POMZP3: variants seen among roughly 807,000 people sequenced by gnomAD.
POMZP3 encodes the protein POM121 and ZP3 fusion.
A neutral mutation model predicts 19.8 loss-of-function variants in POMZP3; 10 were observed. The ratio of observed to expected loss-of-function variants is 0.51; its 90% CI spans 0.31 to 0.86. The LOEUF (loss-of-function observed/expected upper bound fraction) is 0.86. Ranked by LOEUF, POMZP3 falls within the 40% of genes least tolerant of loss-of-function variation. POMZP3 has a pLI of 0.04. For missense variants in POMZP3, 152 were observed against 228.1 expected, an observed-to-expected ratio of 0.67 and a Z score of 2.15; for synonymous variants, 57 against 85.8, an observed-to-expected ratio of 0.66 and a Z score of 1.85.
At chr7:76,622,724 A>G (rs1226808419) in intron 3 of POMZP3, among the ~76,000 whole-genome samples, 1 of 151,696 alleles carries the variant, frequency 6.6e-6, no homozygotes, top group Admixed American at 6.6e-5. Context: ...TGTCCAGGCT[A>G]GAGTGCAGTG....
intron 3 of POMZP3, among the ~76,000 whole-genome samples, chr7:76,624,295 TC>T (rs2116881671): frequency 6.6e-6 from 1 of 151,240 alleles, no homozygotes; most frequent in South Asian, 2.1e-4. Flanking sequence ...ATGCCTGTAA[TC>T]CCAGCACTTT....
At position 76,625,575 on chromosome 7, in the gene POMZP3, CCTTTT is replaced by C. The variant is rs769598751; in HGVS notation, c.169_173del (p.Lys57AspfsTer11). 11 of 1,613,458 alleles carry C rather than the reference CCTTTT, an allele frequency of 6.8e-6. No individual in the cohort carries two copies. The highest frequency in any genetic ancestry group is 9.3e-6 in the Non-Finnish European group (11 of 1,179,728). On this transcript the variant is annotated frameshift_variant, in exon 3 of 7. Coordinates refer to ENST00000310842, the MANE Select transcript of POMZP3 (RefSeq NM_012230.5). LOFTEE classifies it high-confidence loss of function. ...ATATTTGGTCTTCTTCCTCCACTGTCCTTTTCTTCTTCTTCTCTTTGAGGGCACTC... is the reference window on the plus strand; with the variant it reads ...ATATTTGGTCTTCTTCCTCCACTGTCCTTCTTCTTCTCTTTGAGGGCACTC...
At chr7:76,619,205 T>G (rs181255813) in intron 3 of POMZP3, among the ~76,000 whole-genome samples, 2,242 of 152,164 alleles carry the variant, frequency 0.015, 56 homozygotes, top group African/African-American at 0.044. Flanking sequence ...TTGGCCAACA[T>G]GGGGAAACCC....
chr7:76,611,206 C>T (rs1353628510), intron 6 of POMZP3, among the ~76,000 whole-genome samples: 5 of 151,206 alleles, frequency 3.3e-5, no homozygotes, highest in Non-Finnish European at 5.9e-5. Flanking sequence ...ATTTCCCCTA[C>T]ATGCCTAATT....
chr7:76,616,712 G>A lies in POMZP3; in HGVS notation c.345+1471C>T, dbSNP rs1413530858. ...TCTAGTAAGAATACAAAAGTTAGCC[G>A]GGTGTGGTGGCAGGCACCTGTAATT... On this transcript the variant is annotated intron_variant, in intron 4 of 6. Coordinates refer to ENST00000310842, the MANE Select transcript of POMZP3 (RefSeq NM_012230.5). Among the ~76,000 whole-genome samples, 10 of 95,626 alleles carry A rather than the reference G, an allele frequency of 1.0e-4. 4 individuals carry two copies. Among genetic ancestry groups the A allele is most frequent in the African/African-American group, 2.9e-4 (7 of 23,806 alleles). 62.7% of individuals were successfully genotyped at this position (95,626 alleles called of 152,430 possible).
At chr7:76,626,670 G>A in intron 1 of POMZP3, 38 bp downstream of exon 1, 3 of 1,375,546 alleles carry the variant, frequency 2.2e-6, no homozygotes, top group African/African-American at 1.5e-5. Context: ...CAAGCCAGCC[G>A]AGCCAAAGGA....
chr7:76,623,934 T>G (rs1333999553), intron 3 of POMZP3, among the ~76,000 whole-genome samples: 1 of 148,246 alleles, frequency 6.7e-6, no homozygotes, highest in Non-Finnish European at 1.5e-5. Context: ...AAAGATTGTT[T>G]CAAAATATGG....
chr7:76,625,087 C>T (rs1252632735), intron 3 of POMZP3, among the ~76,000 whole-genome samples: 3 of 130,404 alleles, frequency 2.3e-5, no homozygotes, highest in Non-Finnish European at 3.1e-5. Flanking sequence ...GAGCTGAGAT[C>T]GGGCCACTGC....
intron 3 of POMZP3, among the ~76,000 whole-genome samples, chr7:76,619,058 G>A (rs371385517): frequency 1.3e-5 from 2 of 152,266 alleles, no homozygotes; most frequent in African/African-American, 2.4e-5. Context: ...AAAGTGCTGA[G>A]ATTACAGGCA....
chr7:76,623,129 C>T (rs891916069), intron 3 of POMZP3, among the ~76,000 whole-genome samples: 1 of 151,872 alleles, frequency 6.6e-6, no homozygotes, highest in African/African-American at 2.4e-5. Context: ...ACCTCAGCCT[C>T]CCAAAGTGCT....
At chr7:76,622,689 T>C (rs1377594902) in intron 3 of POMZP3, among the ~76,000 whole-genome samples, 3 of 151,398 alleles carry the variant, frequency 2.0e-5, no homozygotes, top group Non-Finnish European at 4.4e-5. Flanking sequence ...TTTTGTTTTG[T>C]TTTAGAGACA....
At chr7:76,623,802 C>CA (rs922036003) in intron 3 of POMZP3, among the ~76,000 whole-genome samples, 20 of 147,714 alleles carry the variant, frequency 1.4e-4, no homozygotes, top group East Asian at 2.0e-4. Context: ...AATCCGCCTC[C>CA]AAAAAAAAAG....
intron 3 of POMZP3, among the ~76,000 whole-genome samples, chr7:76,623,796 C>T (rs572349940): frequency 1.3e-5 from 2 of 151,644 alleles, no homozygotes; most frequent in African/African-American, 4.8e-5. Flanking sequence ...AGCGAGAATC[C>T]GCCTCCAAAA....
rs1348953994 is a variant in POMZP3, at chr7:76,625,629, G to A, written c.120C>T (p.Asp40=). The A allele has an allele frequency of 1.3e-5, 21 of 1,613,706 alleles. No homozygotes were observed. The highest frequency in any genetic ancestry group is 1.7e-5 in the Non-Finnish European group (20 of 1,179,814). Reference sequence around the variant, plus strand: ...TCAGTACAGTCTCCTTTGCACATGGGTCTGGGGCATTACTTGATGGTGAGG... The same window carrying A: ...TCAGTACAGTCTCCTTTGCACATGGATCTGGGGCATTACTTGATGGTGAGG... The part of the protein sequence containing the change: ...TLSSPSSNAP[D]PCAKETVLSA... The change falls in exon 3 of 7, where the codon GAC becomes GAT. Residue 40 remains aspartate, a synonymous_variant. Coordinates refer to ENST00000310842, the MANE Select transcript of POMZP3 (RefSeq NM_012230.5).
At chr7:76,616,222 G>T (rs112547179) in intron 4 of POMZP3, among the ~76,000 whole-genome samples, 28 of 139,008 alleles carry the variant, frequency 2.0e-4, no homozygotes, top group African/African-American at 7.5e-4. Context: ...GGCAGAGGTT[G>T]CAGTGAGCCA....
rs1343739738 is a variant in POMZP3, at chr7:76,626,745, T to G, written c.-189A>C. On this transcript the variant is annotated 5_prime_UTR_variant, in exon 1 of 7. Coordinates refer to ENST00000310842, the MANE Select transcript of POMZP3 (RefSeq NM_012230.5). ...CTCCCGGAGGGTCGGAGAAGAGGAG[T>G]GGGGAGAGAGGGGTAAAAGTGGTGA... 4.4e-5 allele frequency: 60 copies of G among 1,369,424 alleles called. No homozygotes were observed. Among genetic ancestry groups the G allele is most frequent in the Non-Finnish European group, 4.9e-5 (53 of 1,074,712 alleles). The allele number at this position is 1,369,424 out of a possible 1,614,324, so 84.8% of individuals were successfully genotyped here.
Position 76,625,571 on chromosome 7 carries a change from C to G in POMZP3, c.178G>C (p.Val60Leu). ...ALKEKKKKRT[V>L]EEEDQIFLDG... ...AGGAATATTTGGTCTTCTTCCTCCA[C>G]TGTCCTTTTCTTCTTCTTCTCTTTG... Residue 60 changes from valine (V) to leucine (L), a missense_variant, in exon 3 of 7, where the codon GTG becomes CTG. Physicochemically the swap from Val to Leu is conservative, Grantham distance 32. This residue lies in a region of POMZP3 where 17 missense variants were observed against 38.1 expected (regional missense o/e 0.45). Transcript: ENST00000310842. 1 of 1,613,594 alleles carries G rather than the reference C, an allele frequency of 6.2e-7. No homozygotes were observed. The highest frequency in any genetic ancestry group is 2.2e-5 in the East Asian group (1 of 44,840).
chr7:76,610,515 G>A (rs1296730024), intron 6 of POMZP3, among the ~76,000 whole-genome samples: 3 of 151,780 alleles, frequency 2.0e-5, no homozygotes, highest in Non-Finnish European at 2.9e-5. Flanking sequence ...AACTGGGCAT[G>A]GTGGCACATG....
chr7:76,625,471 C>A, intron 3 of POMZP3, 51 bp downstream of exon 3: 1 of 1,596,038 alleles, frequency 6.3e-7, no homozygotes, highest in Non-Finnish European at 8.6e-7. Flanking sequence ...ACATCTCATC[C>A]CATAGGAGTC....
Sources: allele counts gnomAD v4.1 joint callset (sites outside exome capture counted in the v4.1 genomes callset), GRCh38; gene constraint gnomAD v4.1.1; regional missense constraint gnomAD v4.1.1; transcripts MANE v1.5; gene names NCBI Gene and HGNC (gene_info 2026-07-23, HGNC 2026-07-21).